Variants in MIB1 observed in about 807,000 individuals in gnomAD.
MIB1 encodes the protein MIB E3 ubiquitin protein ligase 1, also known as E3 ubiquitin-protein ligase MIB1.
Under a neutral mutation model 124.5 loss-of-function variants are expected in MIB1, and 278 were observed. The observed-to-expected ratio is 2.23, with a 90% CI of 2.02 to 2.47. MIB1 has a LOEUF of 2.47. Ranked by LOEUF, MIB1 falls within the 30% of genes most tolerant of loss-of-function variation. The pLI, the probability that MIB1 is intolerant of heterozygous loss-of-function variation, is 0.00. For synonymous variants in MIB1, 446 were observed against 429.4 expected, an observed-to-expected ratio of 1.04 and a Z score of -0.48; for missense variants, 957 against 1,254.4, an observed-to-expected ratio of 0.76 and a Z score of 3.58.
At chr18:21,769,516 C>T (rs990503394) in intron 3 of MIB1, among the ~76,000 whole-genome samples, 9 of 152,168 alleles carry the variant, frequency 5.9e-5, no homozygotes, top group Non-Finnish European at 8.8e-5. Context: ...ATCCTGGAAG[C>T]GCCCTTTGAA....
intron 19 of MIB1, 53 bp from the exon 20 acceptor site, chr18:21,858,493 G>A: frequency 1.3e-6 from 1 of 798,560 alleles, no homozygotes; most frequent in Non-Finnish European, 2.1e-6. Context: ...TTTTATAAAT[G>A]TCATTCTGTC....
chr18:21,720,563 G>T (rs1187356562), intron 1 of MIB1, among the ~76,000 whole-genome samples: 1 of 151,900 alleles, frequency 6.6e-6, no homozygotes, highest in East Asian at 1.9e-4. Context: ...ACTCATGATT[G>T]GATCCTGATT....
chr18:21,798,312 A>C, intron 8 of MIB1, 84 bp downstream of exon 8: 1 of 1,289,300 alleles, frequency 7.8e-7, no homozygotes, highest in Non-Finnish European at 1.1e-6. Flanking sequence ...TATACAGATA[A>C]TGTTGTACAT....
chr18:21,775,002 G>A (rs1485101848), intron 4 of MIB1, among the ~76,000 whole-genome samples: 1 of 151,586 alleles, frequency 6.6e-6, no homozygotes, highest in African/African-American at 2.4e-5. Flanking sequence ...CTGGAGCACA[G>A]TGGCCTGATC....
upstream of MIB1, among the ~76,000 whole-genome samples, chr18:21,739,885 G>A (rs908263423): frequency 2.0e-5 from 3 of 151,462 alleles, no homozygotes; most frequent in Admixed American, 2.0e-4. Context: ...ACTGCACTCC[G>A]GCCTGGCTGA....
chr18:21,765,856 AT>A lies in MIB1; in HGVS notation c.316del (p.Tyr106MetfsTer15). 6.2e-7 allele frequency: 1 copy of A among 1,614,198 alleles called. No homozygotes were observed. The highest frequency in any genetic ancestry group is 8.5e-7 in the Non-Finnish European group (1 of 1,180,012). On this transcript the variant is annotated frameshift_variant, in exon 2 of 21. Coordinates refer to ENST00000261537, the MANE Select transcript of MIB1 (RefSeq NM_020774.4). LOFTEE classifies it high-confidence loss of function. ...CGATGGAAGTGTGCAGAGTGTACAAATTATGATTTGTGCACAGTGTGTTATC... is the reference window on the plus strand; with the variant it reads ...CGATGGAAGTGTGCAGAGTGTACAAATATGATTTGTGCACAGTGTGTTATC... ...GIRWKCAECT[N>X]YDLCTVCYHG...
intron 7 of MIB1, among the ~76,000 whole-genome samples, chr18:21,792,288 C>G (rs1375055180): frequency 6.6e-6 from 1 of 152,118 alleles, no homozygotes; most frequent in African/African-American, 2.4e-5. Flanking sequence ...TCCCTCCATT[C>G]CAGTCCCATT....
At chr18:21,743,566 G>A (rs1432276427) in intron 1 of MIB1, among the ~76,000 whole-genome samples, 1 of 151,988 alleles carries the variant, frequency 6.6e-6, no homozygotes, top group Non-Finnish European at 1.5e-5. Flanking sequence ...ATTGCTTTTT[G>A]AAGACGTTTT....
At chr18:21,836,603 A>G (rs944416740) in intron 12 of MIB1, among the ~76,000 whole-genome samples, 1 of 152,122 alleles carries the variant, frequency 6.6e-6, no homozygotes, top group African/African-American at 2.4e-5. Context: ...TAAAACTAAT[A>G]CCCTCTGTTA....
At chr18:21,798,023 G>A in intron 7 of MIB1, 61 bp from the exon 8 acceptor site, 1 of 1,507,388 alleles carries the variant, frequency 6.6e-7, no homozygotes, top group Non-Finnish European at 9.1e-7. Flanking sequence ...ATAAAAACTA[G>A]TGATTGACTT....
At chr18:21,722,738 A>G (rs2040721245) in intron 1 of MIB1, among the ~76,000 whole-genome samples, 1 of 152,082 alleles carries the variant, frequency 6.6e-6, no homozygotes, top group Admixed American at 6.6e-5. Flanking sequence ...ATGCCTCTCA[A>G]TCTGGGTTTG....
At chr18:21,735,720 G>A (rs576538972) in intron 1 of MIB1, among the ~76,000 whole-genome samples, 3 of 152,318 alleles carry the variant, frequency 2.0e-5, no homozygotes, top group East Asian at 3.9e-4. Context: ...TGAGGCTTGC[G>A]TAGGCAGTTT....
chr18:21,744,350 A>G (rs1290432161), intron 1 of MIB1, among the ~76,000 whole-genome samples: 1 of 152,160 alleles, frequency 6.6e-6, no homozygotes, highest in Non-Finnish European at 1.5e-5. Context: ...TTCCAGAAAA[A>G]TTACAAAACT....
At chr18:21,724,189 G>A (rs1461338652) in intron 1 of MIB1, 1 of 152,466 alleles carries the variant, frequency 6.6e-6, no homozygotes, top group East Asian at 1.9e-4. Flanking sequence ...AGATTTCTTT[G>A]TTTCTTCTTT....
chr18:21,839,076 T>C (rs1490793887), intron 13 of MIB1, among the ~76,000 whole-genome samples: 1 of 152,134 alleles, frequency 6.6e-6, no homozygotes, highest in Non-Finnish European at 1.5e-5. Context: ...TTTCAGCAAA[T>C]TTTTCATGTG....
Position 21,721,159 on chromosome 18 carries a change from G to GTTTGTTTTTTTTTTTTTTT in MIB1, n.167+16039_167+16040insGTTTTTTTTTTTTTTTTTT, listed in dbSNP as rs2040712847. Among the ~76,000 whole-genome samples the GTTTGTTTTTTTTTTTTTTT allele has an allele frequency of 6.7e-5, 2 of 29,764 alleles. 1 individual carries two copies. Among genetic ancestry groups the GTTTGTTTTTTTTTTTTTTT allele is most frequent in the Non-Finnish European group, 1.5e-4 (2 of 13,532 alleles). 19.5% of individuals were successfully genotyped at this position (29,764 alleles called of 152,430 possible). On this transcript the variant is annotated intron_variant and non_coding_transcript_variant, in intron 1 of 20. Coordinates refer to the MIB1 transcript ENST00000578646. ...TGAAAGATTTAAACATTTTAAAGAAGTTTTTTTTTTTTTTTTTTTTTTTTT... is the reference window on the plus strand; with the variant it reads ...TGAAAGATTTAAACATTTTAAAGAAGTTTGTTTTTTTTTTTTTTTTTTTTTTTTTTTTTTTTTTTTTTTT...
chr18:21,779,845 C>A (rs2041337962), intron 6 of MIB1, among the ~76,000 whole-genome samples, 160 bp downstream of exon 6: 2 of 148,876 alleles, frequency 1.3e-5, no homozygotes, highest in Admixed American at 6.8e-5. Context: ...TGGAGAGAAA[C>A]AAATGATAAG....
At chr18:21,814,703 A>G (rs981660945) in intron 10 of MIB1, among the ~76,000 whole-genome samples, 1 of 151,806 alleles carries the variant, frequency 6.6e-6, no homozygotes, top group Non-Finnish European at 1.5e-5. Context: ...CCTCCCGGGT[A>G]GCTGGGATTA....
At chr18:21,725,619 C>G (rs769193897) in intron 1 of MIB1, among the ~76,000 whole-genome samples, 1 of 152,164 alleles carries the variant, frequency 6.6e-6, no homozygotes, top group Non-Finnish European at 1.5e-5. Flanking sequence ...GACTATCTTC[C>G]TCTGGAGGGG....
Sources: allele counts gnomAD v4.1 joint callset (sites outside exome capture counted in the v4.1 genomes callset), GRCh38; gene constraint gnomAD v4.1.1; transcripts MANE v1.5; gene names NCBI Gene and HGNC (gene_info 2026-07-23, HGNC 2026-07-21).